The following STK39 variants were observed in gnomAD, a reference collection of about 807,000 sequenced individuals.
The protein encoded by STK39 is serine/threonine kinase 39, also known as STE20/SPS1-related proline-alanine-rich protein kinase.
Under a neutral mutation model 77.8 loss-of-function variants are expected in STK39, and 20 were observed. The observed-to-expected ratio is 0.26, with a 90% CI of 0.18 to 0.37. The LOEUF (loss-of-function observed/expected upper bound fraction) is 0.37. STK39 is among the 10% of genes least tolerant of loss of function. STK39 has a pLI of 1.00. For synonymous variants in STK39, 246 were observed against 234.1 expected, an observed-to-expected ratio of 1.05 and a Z score of -0.47; for missense variants, 479 against 656.5, an observed-to-expected ratio of 0.73 and a Z score of 2.95.
chr2:168,039,046 G>C (rs1685032351), intron 14 of STK39, among the ~76,000 whole-genome samples: 1 of 151,902 alleles, frequency 6.6e-6, no homozygotes, highest in Non-Finnish European at 1.5e-5. Context: ...ATTTTTCAAA[G>C]AGAAATCAAA....
chr2:168,119,079 CTGTGAGCA>C (rs1687339079), intron 10 of STK39, among the ~76,000 whole-genome samples: 1 of 152,144 alleles, frequency 6.6e-6, no homozygotes. Context: ...GCCCTCCTCC[CTGTGAGCA>C]TGTGAGTTCC....
intron 16 of STK39, among the ~76,000 whole-genome samples, chr2:167,969,140 A>G (rs1222127917): frequency 1.3e-5 from 2 of 152,252 alleles, no homozygotes; most frequent in Non-Finnish European, 2.9e-5. Context: ...TGTTTTGAGG[A>G]TTAATTCACA....
chr2:168,212,402 G>A (rs1043824201), intron 1 of STK39, among the ~76,000 whole-genome samples: 3 of 152,160 alleles, frequency 2.0e-5, no homozygotes, highest in African/African-American at 7.2e-5. Context: ...CTTCATTCAT[G>A]AAGTTGTCTG....
intron 1 of STK39, among the ~76,000 whole-genome samples, chr2:168,188,680 C>T (rs2105646078): frequency 6.6e-6 from 1 of 152,320 alleles, no homozygotes; most frequent in African/African-American, 2.4e-5. Flanking sequence ...TGATCTGCTA[C>T]ATGTCACCAT....
intron 5 of STK39, among the ~76,000 whole-genome samples, chr2:168,150,180 T>C (rs1688242950): frequency 6.6e-6 from 1 of 152,196 alleles, no homozygotes; most frequent in Non-Finnish European, 1.5e-5. Flanking sequence ...GACTGGAAGA[T>C]CTCAATGCAC....
chr2:168,072,893 G>A (rs1312793678), intron 12 of STK39, among the ~76,000 whole-genome samples: 1 of 152,172 alleles, frequency 6.6e-6, no homozygotes, highest in Non-Finnish European at 1.5e-5. Context: ...ACTAGCCTGA[G>A]AAGCTGTGCA....
intron 16 of STK39, among the ~76,000 whole-genome samples, chr2:167,987,765 G>T (rs184714770): frequency 6.6e-6 from 1 of 152,228 alleles, no homozygotes; most frequent in African/African-American, 2.4e-5. Context: ...CTTTTAATGA[G>T]ATTTTAATTT....
intron 1 of STK39, among the ~76,000 whole-genome samples, chr2:168,188,432 A>C (rs1689259971): frequency 6.6e-6 from 1 of 152,236 alleles, no homozygotes; most frequent in Non-Finnish European, 1.5e-5. Context: ...AATAAGGTTG[A>C]CGATTAATTT....
intron 10 of STK39, among the ~76,000 whole-genome samples, chr2:168,107,490 C>T (rs1266435911): frequency 1.3e-5 from 2 of 152,174 alleles, no homozygotes; most frequent in African/African-American, 4.8e-5. Flanking sequence ...TTCTGTTTGC[C>T]ATCCTCTGTA....
At chr2:168,030,218 T>C (rs1024946442) in intron 14 of STK39, among the ~76,000 whole-genome samples, 4 of 152,306 alleles carry the variant, frequency 2.6e-5, no homozygotes, top group East Asian at 1.9e-4. Context: ...CTAGCCTGTG[T>C]GACAGAGCGA....
intron 16 of STK39, 34 bp from the exon 17 acceptor site, chr2:167,964,760 G>T (rs1315212864): frequency 1.3e-6 from 2 of 1,559,096 alleles, no homozygotes. Context: ...AAAGTTTCCA[G>T]ATTATTTCCA....
intron 16 of STK39, among the ~76,000 whole-genome samples, chr2:167,978,125 C>T (rs961159594): frequency 6.6e-6 from 1 of 152,120 alleles, no homozygotes; most frequent in Non-Finnish European, 1.5e-5. Context: ...AAGCACCGAT[C>T]TTAGGTTTTA....
At chr2:168,053,645 T>C (rs1685452426) in intron 14 of STK39, among the ~76,000 whole-genome samples, 1 of 152,214 alleles carries the variant, frequency 6.6e-6, no homozygotes, top group Admixed American at 6.5e-5. Flanking sequence ...AAAAACAGTA[T>C]TATCGCAGAA....
chr2:168,118,195 C>T (rs768899966), intron 10 of STK39, among the ~76,000 whole-genome samples: 15 of 151,962 alleles, frequency 9.9e-5, no homozygotes, highest in Non-Finnish European at 1.8e-4. Flanking sequence ...GCAAGTAACA[C>T]GCCACTTCAG....
intron 1 of STK39, among the ~76,000 whole-genome samples, chr2:168,215,035 T>C (rs899475835): frequency 6.6e-6 from 1 of 152,250 alleles, no homozygotes; most frequent in Admixed American, 6.5e-5. Context: ...CCATGATCCA[T>C]GTGTTTTCAA....
At chr2:168,180,623 A>G (rs904548209) in intron 2 of STK39, among the ~76,000 whole-genome samples, 2 of 152,098 alleles carry the variant, frequency 1.3e-5, no homozygotes, top group African/African-American at 2.4e-5. Flanking sequence ...ACAGTTTATA[A>G]AATGCGTTTT....
intron 2 of STK39, among the ~76,000 whole-genome samples, chr2:168,175,698 T>C (rs1198622938): frequency 1.3e-5 from 2 of 152,182 alleles, no homozygotes; most frequent in African/African-American, 2.4e-5. Flanking sequence ...GCTTTCAAAA[T>C]AAACAAAAAT....
chr2:168,187,158 C>G (rs183562311), intron 1 of STK39, among the ~76,000 whole-genome samples: 11 of 152,238 alleles, frequency 7.2e-5, no homozygotes, highest in Admixed American at 3.9e-4. Context: ...TGAGACCAGC[C>G]TGACCAGCAT....
chr2:168,246,508 C>G (rs1690906606), intron 1 of STK39, among the ~76,000 whole-genome samples: 1 of 152,256 alleles, frequency 6.6e-6, no homozygotes, highest in South Asian at 2.1e-4. Flanking sequence ...CGGTGCAGGG[C>G]AGGAGGCCAG....
Sources: gnomAD v4.1 joint callset for allele counts (sites outside exome capture counted in the v4.1 genomes callset) on GRCh38, gnomAD v4.1.1 for gene constraint, MANE v1.5 for transcripts, NCBI Gene and HGNC (gene_info 2026-07-23, HGNC 2026-07-21) for gene names.